CCSER1: variants seen among roughly 807,000 people sequenced by gnomAD.
CCSER1 encodes the protein serine-rich coiled-coil domain-containing protein 1.
A neutral mutation model predicts 82.0 loss-of-function variants in CCSER1; 41 were observed. The observed-to-expected ratio is 0.50, with a 90% CI of 0.39 to 0.65. The LOEUF is 0.65. Among genes scored for constraint, CCSER1 ranks in the 30% least tolerant of loss-of-function variants. The probability of loss-of-function intolerance (pLI) is 0.00; values close to 1 mark genes in which losing one functional copy is unlikely to be tolerated. For synonymous variants in CCSER1, 414 were observed against 383.9 expected, an observed-to-expected ratio of 1.08 and a Z score of -0.92; for missense variants, 1,119 against 1,064.2, an observed-to-expected ratio of 1.05 and a Z score of -0.72.
intron 10 of CCSER1, among the ~76,000 whole-genome samples, chr4:91,213,781 G>A (rs1737024068): frequency 6.6e-6 from 1 of 152,132 alleles, no homozygotes; most frequent in Non-Finnish European, 1.5e-5. Context: ...TTCTAAACCT[G>A]ATGTTGAGCT....
intron 5 of CCSER1, among the ~76,000 whole-genome samples, chr4:90,607,128 T>C (rs922690697): frequency 1.2e-4 from 18 of 152,204 alleles, no homozygotes; most frequent in African/African-American, 4.3e-4. Context: ...TGGATGACTC[T>C]GATGTTCTGA....
intron 10 of CCSER1, among the ~76,000 whole-genome samples, chr4:91,543,625 G>A (rs1292133708): frequency 2.0e-5 from 3 of 152,030 alleles, no homozygotes; most frequent in Non-Finnish European, 4.4e-5. Context: ...GTTGAATATT[G>A]GCCCCCACTC....
chr4:90,713,081 C>G (rs1308663957), intron 6 of CCSER1, among the ~76,000 whole-genome samples: 1 of 151,562 alleles, frequency 6.6e-6, no homozygotes. Flanking sequence ...ACCGATGGGT[C>G]TTTTTTCTTT....
chr4:90,985,079 C>A (rs1002577845), intron 9 of CCSER1, among the ~76,000 whole-genome samples: 1 of 151,682 alleles, frequency 6.6e-6, no homozygotes, highest in African/African-American at 2.4e-5. Flanking sequence ...TAGCTTTCAA[C>A]CTCTCTCTGT....
In CCSER1 at chr4:91,444,012, A is replaced by G. The variant is rs535749987; in HGVS notation, c.2218-154560A>G. 1.8e-3 allele frequency among the ~76,000 whole-genome samples: 271 copies of G among 152,202 alleles called. 3 individuals carry two copies. Among genetic ancestry groups the G allele is most frequent in the African/African-American group, 5.8e-3 (242 of 41,570 alleles). On this transcript the variant is annotated intron_variant, in intron 10 of 10. Coordinates refer to ENST00000509176, the MANE Select transcript of CCSER1 (RefSeq NM_001145065.2). ...AATGGATTTCCAAGGAGAAGAAAAC[A>G]AAAGAATTGCTTGTGATACATTTTG...
At chr4:90,816,482 A>T (rs1183265116) in intron 8 of CCSER1, among the ~76,000 whole-genome samples, 1 of 152,066 alleles carries the variant, frequency 6.6e-6, no homozygotes, top group Non-Finnish European at 1.5e-5. Flanking sequence ...ATTTTTTCTA[A>T]GTATGTGTTT....
intron 7 of CCSER1, among the ~76,000 whole-genome samples, chr4:90,801,022 T>G (rs1464690058): frequency 6.6e-6 from 1 of 152,156 alleles, no homozygotes; most frequent in Non-Finnish European, 1.5e-5. Flanking sequence ...ATTAGAAAAG[T>G]TGTACAACCT....
chr4:90,243,543 G>A lies in CCSER1; in HGVS notation c.-41-64701G>A, dbSNP rs183811651. ...ATTACAGGTGTGAGCCACTGCTCCC[G>A]GCCATGTTTTTATTTTTTATTTTGG... On this transcript the variant is annotated intron_variant, in intron 1 of 10. Transcript: ENST00000509176. Among the ~76,000 whole-genome samples the A allele has an allele frequency of 7.0e-3, 1,064 of 151,016 alleles. 5 individuals are homozygous for A. The highest frequency in any genetic ancestry group is 0.014 in the Admixed American group (216 of 15,188).
chr4:91,299,941 G>A (rs923421379), intron 10 of CCSER1, among the ~76,000 whole-genome samples: 1 of 151,884 alleles, frequency 6.6e-6, no homozygotes, highest in African/African-American at 2.4e-5. Context: ...GACACCGTGC[G>A]AGAAGTAAAA....
intron 5 of CCSER1, among the ~76,000 whole-genome samples, chr4:90,504,674 CA>C (rs1467117104): frequency 2.6e-5 from 4 of 151,988 alleles, no homozygotes; most frequent in African/African-American, 4.8e-5. Flanking sequence ...CCTCATATAG[CA>C]AAGTGTAAAA....
At chr4:91,280,728 T>G (rs1013068825) in intron 10 of CCSER1, among the ~76,000 whole-genome samples, 1 of 152,112 alleles carries the variant, frequency 6.6e-6, no homozygotes, top group Admixed American at 6.5e-5. Context: ...CATTTTTAAA[T>G]GAACAGAGAC....
In CCSER1 at chr4:90,309,379, T is replaced by C. The variant is rs368828745; in HGVS notation, c.1095T>C (p.Ser365=). 54 of 1,613,562 alleles carry C rather than the reference T, an allele frequency of 3.3e-5. No homozygotes were observed. The African/African-American group carries it at 6.8e-4, about 20-fold the overall frequency. Residue 365 remains serine (S), a synonymous_variant, in exon 2 of 11, where the codon AGT becomes AGC. Coordinates refer to ENST00000509176, the MANE Select transcript of CCSER1 (RefSeq NM_001145065.2). ...CTACAAGTGTGAGCCACTCAGAGAG[T>C]AACCTACCAGCAGATAGTGAAAGAG... ...LPATSVSHSE[S]NLPADSEREE... is the part of the protein sequence containing the mutation.
intron 1 of CCSER1, among the ~76,000 whole-genome samples, chr4:90,157,246 G>T (rs1728411290): frequency 6.6e-6 from 1 of 152,198 alleles, no homozygotes; most frequent in Non-Finnish European, 1.5e-5. Context: ...GAGATCCGCT[G>T]TCAGTCTGAT....
chr4:91,173,593 CAAAAAAAAAAAAAAAAA>C (rs55747744), intron 10 of CCSER1, among the ~76,000 whole-genome samples: 1 of 104,732 alleles, frequency 9.5e-6, no homozygotes, highest in Non-Finnish European at 1.9e-5. Context: ...GACTCCGTCT[CAAAAAAAAAAAAAAAAA>C]AAAAAAAAAG....
intron 10 of CCSER1, among the ~76,000 whole-genome samples, chr4:91,169,170 C>A (rs570587449): frequency 7.3e-6 from 1 of 137,052 alleles, no homozygotes; most frequent in Non-Finnish European, 1.6e-5. Flanking sequence ...TCCCCCTCTC[C>A]GAGAAACACC....
intron 6 of CCSER1, among the ~76,000 whole-genome samples, chr4:90,666,817 G>A (rs1731874540): frequency 6.6e-6 from 1 of 152,100 alleles, no homozygotes; most frequent in South Asian, 2.1e-4. Flanking sequence ...AATTTTGTGG[G>A]GGAGAGGAGG....
chr4:91,042,703 T>C (rs1488446779), intron 9 of CCSER1, among the ~76,000 whole-genome samples: 1 of 152,198 alleles, frequency 6.6e-6, no homozygotes, highest in Non-Finnish European at 1.5e-5. Context: ...AATTTTTTGT[T>C]GATAATACAA....
intron 7 of CCSER1, among the ~76,000 whole-genome samples, chr4:90,767,960 G>C (rs1751499748): frequency 1.3e-5 from 2 of 152,136 alleles, no homozygotes; most frequent in Non-Finnish European, 2.9e-5. Context: ...ACCAAACAAG[G>C]AAGTTCTAAT....
chr4:91,409,858 T>G (rs1429682758), intron 10 of CCSER1, among the ~76,000 whole-genome samples: 1 of 152,140 alleles, frequency 6.6e-6, no homozygotes, highest in African/African-American at 2.4e-5. Flanking sequence ...AATTTTTGTA[T>G]TTTTAGTAGA....
Sources: allele counts gnomAD v4.1 joint callset (sites outside exome capture counted in the v4.1 genomes callset), GRCh38; gene constraint gnomAD v4.1.1; transcripts MANE v1.5; gene names NCBI Gene and HGNC (gene_info 2026-07-23, HGNC 2026-07-21).